The following NEO1 variants were observed in gnomAD, a reference collection of about 807,000 sequenced individuals.
NEO1 encodes neogenin.
NEO1 carries 63 observed loss-of-function variants against 159.7 expected under a neutral mutation model. The observed-to-expected ratio is 0.39, with a 90% CI of 0.32 to 0.49. The LOEUF is 0.49. NEO1 is among the 20% of genes least tolerant of loss of function. The pLI is 0.85. For synonymous variants in NEO1, 633 were observed against 662.0 expected (o/e 0.96, Z 0.67); for missense variants, 1,615 against 1,831.0 (o/e 0.88, Z 2.15).
rs180733696 is a variant in NEO1 at position 73,252,243 on chromosome 15, G to C, written c.1895-1157G>C. On this transcript the variant is annotated intron_variant, in intron 11 of 28. Transcript: ENST00000261908. The stretch of plus-strand genomic sequence containing the variant: ...GACAGAAAAAGAGAAGTTTCCACGG[G>C]TGGATTAGGAGAGAAGGGCTAAAGT... Among the ~76,000 whole-genome samples the C allele has an allele frequency of 6.6e-5, 10 of 152,320 alleles. No homozygotes were observed. In the East Asian group the frequency reaches 1.9e-3, roughly 29 times the overall value.
intron 4 of NEO1, among the ~76,000 whole-genome samples, chr15:73,131,803 G>T (rs1289145277): frequency 2.0e-5 from 3 of 152,210 alleles, no homozygotes; most frequent in Non-Finnish European, 4.4e-5. Flanking sequence ...AAAGCCTTAT[G>T]CAGTCTGGCT....
intron 8 of NEO1, among the ~76,000 whole-genome samples, chr15:73,236,970 C>G (rs2039212568): frequency 6.6e-6 from 1 of 152,184 alleles, no homozygotes; most frequent in Non-Finnish European, 1.5e-5. Context: ...ATTTCCACCC[C>G]CTCAGGAGCT....
At chr15:73,174,560 C>T (rs1168396530) in intron 5 of NEO1, among the ~76,000 whole-genome samples, 1 of 152,108 alleles carries the variant, frequency 6.6e-6, no homozygotes, top group Non-Finnish European at 1.5e-5. Flanking sequence ...CAATCAGCCT[C>T]ACCATAGGAG....
intron 11 of NEO1, among the ~76,000 whole-genome samples, chr15:73,252,260 G>A (rs1054669834): frequency 1.3e-5 from 2 of 152,160 alleles, no homozygotes; most frequent in African/African-American, 4.8e-5. Flanking sequence ...AGGAGAGAAG[G>A]GCTAAAGTCA....
chr15:73,056,702 T>G (rs1240265804), intron 1 of NEO1, among the ~76,000 whole-genome samples: 2 of 152,190 alleles, frequency 1.3e-5, no homozygotes, highest in African/African-American at 4.8e-5. Context: ...CCTTTTTAAG[T>G]TAACCATCCT....
chr15:73,215,611 T>C (rs1257305041), intron 7 of NEO1, among the ~76,000 whole-genome samples: 1 of 152,258 alleles, frequency 6.6e-6, no homozygotes. Context: ...TTAAACCATC[T>C]CTGCATCCCT....
At chr15:73,130,890 G>C (rs888666063) in intron 4 of NEO1, among the ~76,000 whole-genome samples, 2 of 152,204 alleles carry the variant, frequency 1.3e-5, no homozygotes, top group Non-Finnish European at 2.9e-5. Flanking sequence ...ACAATAATGA[G>C]ACAATCCTAC....
chr15:73,201,951 ATTC>A (rs1406518033), intron 7 of NEO1, among the ~76,000 whole-genome samples: 62 of 128,820 alleles, frequency 4.8e-4, no homozygotes, highest in African/African-American at 1.9e-3. Context: ...AAGCTATATC[ATTC>A]TTTTTTTTTT....
chr15:73,093,947 T>C (rs1267621854), intron 1 of NEO1, among the ~76,000 whole-genome samples: 1 of 152,172 alleles, frequency 6.6e-6, no homozygotes, highest in Non-Finnish European at 1.5e-5. Flanking sequence ...TGTTTTGTTT[T>C]GTTTTTAGCA....
chr15:73,256,485 G>A (rs1015239475), intron 13 of NEO1, among the ~76,000 whole-genome samples: 1 of 152,196 alleles, frequency 6.6e-6, no homozygotes, highest in Non-Finnish European at 1.5e-5. Context: ...GGACAACAGA[G>A]TAAGACTCTG....
chr15:73,052,948 G>C lies in NEO1; in HGVS notation c.130+143G>C, dbSNP rs548352086. 2.9e-4 allele frequency: 47 copies of C among 160,600 alleles called. 1 individual carries two copies. Among genetic ancestry groups the C allele is most frequent in the Non-Finnish European group, 8.0e-5 (6 of 74,720 alleles). 9.9% of individuals were successfully genotyped at this position (160,600 alleles called of 1,614,324 possible). ...GGCTCCGGTTGCCGAAGAGAAAGGG[G>C]ATCGCGCGTGGTGGGGAGGAGAAGG... On this transcript the variant is annotated intron_variant, in intron 1 of 28. Transcript: ENST00000261908.
chr15:73,255,807 G>T (rs1373787734), intron 13 of NEO1: 1 of 152,134 alleles, frequency 6.6e-6, no homozygotes. Context: ...CAGCTGCATC[G>T]GCTTAGTTTT....
intron 1 of NEO1, among the ~76,000 whole-genome samples, chr15:73,103,218 A>G (rs143153053): frequency 6.6e-6 from 1 of 152,332 alleles, no homozygotes; most frequent in East Asian, 1.9e-4. Flanking sequence ...GGCAGTAAGA[A>G]TGATCCTTTT....
chr15:73,062,747 A>G (rs1174091021), intron 1 of NEO1, among the ~76,000 whole-genome samples: 2 of 152,212 alleles, frequency 1.3e-5, no homozygotes, highest in Admixed American at 1.3e-4. Context: ...TGGAAAGTGG[A>G]TTAAAAATGT....
At chr15:73,159,064 T>C (rs998935562) in intron 5 of NEO1, among the ~76,000 whole-genome samples, 1 of 152,148 alleles carries the variant, frequency 6.6e-6, no homozygotes, top group Non-Finnish European at 1.5e-5. Context: ...GGAGTTTGAG[T>C]TCTGCCTGGG....
chr15:73,117,307 A>G lies in NEO1; in HGVS notation c.448+450A>G, dbSNP rs545123943. The stretch of plus-strand genomic sequence containing the variant: ...TTGGATTAATTGTTTTAAAATCTAC[A>G]GAGTGTATATTAAGGTGGAGAGCAG... On this transcript the variant is annotated intron_variant, in intron 2 of 28. Transcript: ENST00000261908. 1.7e-4 allele frequency among the ~76,000 whole-genome samples: 26 copies of G among 152,318 alleles called. No homozygotes were observed. The South Asian group carries it at 5.2e-3, about 30-fold the overall frequency.
At chr15:73,286,259 G>A (rs2041944347) in intron 23 of NEO1, among the ~76,000 whole-genome samples, 1 of 152,110 alleles carries the variant, frequency 6.6e-6, no homozygotes, top group East Asian at 1.9e-4. Flanking sequence ...GGTCACCAGC[G>A]ACCTGTGTAT....
At chr15:73,073,285 G>A (rs912348386) in intron 1 of NEO1, among the ~76,000 whole-genome samples, 1 of 152,152 alleles carries the variant, frequency 6.6e-6, no homozygotes, top group Non-Finnish European at 1.5e-5. Context: ...GCATTTACCT[G>A]TCAGTCACTG....
In NEO1 at chr15:73,066,279, A is replaced by G. The variant is rs1045689917; in HGVS notation, c.130+13474A>G. 2.0e-5 allele frequency among the ~76,000 whole-genome samples: 3 copies of G among 148,824 alleles called. No homozygotes were observed. The South Asian group carries it at 6.4e-4, about 32-fold the overall frequency. ...CGTGATCCACCCACCTCGGCCTCCCAAAGTGCTGGGATTACAGGCTTGAGC... is the reference window on the plus strand; with the variant it reads ...CGTGATCCACCCACCTCGGCCTCCCGAAGTGCTGGGATTACAGGCTTGAGC... On this transcript the variant is annotated intron_variant, in intron 1 of 28. Coordinates refer to ENST00000261908, the MANE Select transcript of NEO1 (RefSeq NM_002499.4).
Sources: allele counts gnomAD v4.1 joint callset (sites outside exome capture counted in the v4.1 genomes callset), GRCh38; gene constraint gnomAD v4.1.1; transcripts MANE v1.5; gene names NCBI Gene and HGNC (gene_info 2026-07-23, HGNC 2026-07-21).